Variants in PLD5 observed in about 807,000 individuals in gnomAD.
PLD5 encodes the protein phospholipase D family member 5.
A neutral mutation model predicts 61.1 loss-of-function variants in PLD5; 36 were observed. The observed-to-expected ratio is 0.59, with a 90% CI of 0.45 to 0.78. The LOEUF (loss-of-function observed/expected upper bound fraction) is 0.78, where lower values mean the gene tolerates loss of function less well. PLD5 is among the 30% of genes least tolerant of loss of function. The pLI, the probability that PLD5 is intolerant of heterozygous loss-of-function variation, is 0.00. For missense variants in PLD5, 515 were observed against 644.4 expected, an observed-to-expected ratio of 0.80 and a Z score of 2.17; for synonymous variants, 243 against 242.8, an observed-to-expected ratio of 1.00 and a Z score of -0.01.
intron 3 of PLD5, among the ~76,000 whole-genome samples, chr1:242,277,809 C>T (rs968992856): frequency 6.6e-6 from 1 of 151,860 alleles, no homozygotes; most frequent in Non-Finnish European, 1.5e-5. Context: ...ACGGTGAAAC[C>T]TCATCTCTAC....
At chr1:242,231,578 G>T (rs1203299992) in intron 4 of PLD5, among the ~76,000 whole-genome samples, 1 of 152,202 alleles carries the variant, frequency 6.6e-6, no homozygotes, top group Non-Finnish European at 1.5e-5. Flanking sequence ...CTTAGAGGAG[G>T]CTCACCAACT....
Position 242,524,445 on chromosome 1 carries a change from G to T in PLD5, c.-169C>A. The T allele has an allele frequency of 1.7e-6, 1 of 572,214 alleles. No homozygotes were observed. The highest frequency in any genetic ancestry group is 2.5e-6 in the Non-Finnish European group (1 of 393,748). 35.4% of individuals were successfully genotyped at this position (572,214 alleles called of 1,614,324 possible). A position where few individuals can be genotyped will look rare whatever the true frequency, so the allele number is the denominator to read the frequency against. On this transcript the variant is annotated 5_prime_UTR_variant, in exon 1 of 10. Transcript: ENST00000536534. ...GCGCGGGGAGCGCGGGGTGCTGAGC[G>T]CCAGCTGGGAGCGCGGCCGGGCGGG...
intron 5 of PLD5, among the ~76,000 whole-genome samples, chr1:242,147,059 G>T (rs563571964): frequency 6.6e-6 from 1 of 152,190 alleles, no homozygotes; most frequent in East Asian, 1.9e-4. Context: ...ACCCTTTTAA[G>T]CACACAGTTC....
chr1:242,203,766 CT>C (rs1669141028), intron 5 of PLD5: 1 of 152,252 alleles, frequency 6.6e-6, no homozygotes, highest in Non-Finnish European at 1.5e-5. Flanking sequence ...AACCTCTTTT[CT>C]TTATAAATTA....
At chr1:242,448,982 C>T (rs183729641) in intron 1 of PLD5, among the ~76,000 whole-genome samples, 187 of 152,250 alleles carry the variant, frequency 1.2e-3, no homozygotes, top group African/African-American at 3.8e-3. Context: ...ATCGAGAAAA[C>T]AGACAACTAT....
At chr1:242,463,919 T>C (rs559244074) in intron 1 of PLD5, among the ~76,000 whole-genome samples, 113 of 152,194 alleles carry the variant, frequency 7.4e-4, no homozygotes, top group Admixed American at 1.9e-3. Flanking sequence ...TTTCTTCCCT[T>C]CCCTGTGTGA....
intron 5 of PLD5, among the ~76,000 whole-genome samples, chr1:242,168,164 A>C (rs1382156946): frequency 6.6e-6 from 1 of 152,244 alleles, no homozygotes; most frequent in Non-Finnish European, 1.5e-5. Flanking sequence ...GCCTTTAAAG[A>C]AAGCCTTTAA....
chr1:242,330,355 T>C (rs1443544364), intron 2 of PLD5, among the ~76,000 whole-genome samples: 1 of 152,194 alleles, frequency 6.6e-6, no homozygotes, highest in Non-Finnish European at 1.5e-5. Context: ...CCTTCCATTC[T>C]GTGACAACAT....
intron 1 of PLD5, among the ~76,000 whole-genome samples, chr1:242,382,107 T>G (rs1033472137): frequency 1.4e-5 from 2 of 139,138 alleles, no homozygotes; most frequent in African/African-American, 5.5e-5. Context: ...CTCAGGCAAC[T>G]GATAGCGGAG....
chr1:242,149,949 T>C (rs1664813139), intron 5 of PLD5, among the ~76,000 whole-genome samples: 1 of 151,804 alleles, frequency 6.6e-6, no homozygotes. Context: ...TATTGAGACC[T>C]TCATCCTAAC....
chr1:242,088,504 A>AC lies in PLD5; in HGVS notation c.*1349dup, dbSNP rs1261755885. 6.6e-6 allele frequency: 1 copy of AC among 152,144 alleles called. No individual in the cohort carries two copies. Among genetic ancestry groups the AC allele is most frequent in the Non-Finnish European group, 1.5e-5 (1 of 68,034 alleles). The allele number at this position is 152,144 out of a possible 1,614,324, so 9.4% of individuals were successfully genotyped here. ...CAAGTTATAAATATTTCCTACCGTG[A>AC]CAACATCCTTGCGAGGTAGGTGAGT... On this transcript the variant is annotated 3_prime_UTR_variant, in exon 10 of 10. Coordinates refer to ENST00000536534, the MANE Select transcript of PLD5 (RefSeq NM_001372062.1).
intron 2 of PLD5, among the ~76,000 whole-genome samples, chr1:242,345,342 G>A (rs3905160): frequency 0.95 from 144,670 of 152,288 alleles, 68,980 homozygotes; most frequent in Non-Finnish European, 0.99. Context: ...TTCAAAGTCC[G>A]TGGTTGTTAA....
intron 1 of PLD5, among the ~76,000 whole-genome samples, chr1:242,490,142 C>T (rs1269046477): frequency 6.6e-6 from 1 of 152,206 alleles, no homozygotes; most frequent in Non-Finnish European, 1.5e-5. Flanking sequence ...CAATGCCCAT[C>T]ATCAAAGAAT....
intron 5 of PLD5, among the ~76,000 whole-genome samples, chr1:242,153,831 T>C (rs1319706946): frequency 6.6e-6 from 1 of 152,204 alleles, no homozygotes; most frequent in East Asian, 1.9e-4. Context: ...ATCTTGGCTA[T>C]GTGGGCTCTT....
intron 8 of PLD5, among the ~76,000 whole-genome samples, chr1:242,105,294 G>C (rs1309445238): frequency 4.6e-5 from 7 of 151,824 alleles, no homozygotes; most frequent in Non-Finnish European, 1.0e-4. Flanking sequence ...TGCAATCTCG[G>C]CTCACTGCAA....
At chr1:242,264,953 T>C (rs1202028637) in intron 4 of PLD5, among the ~76,000 whole-genome samples, 1 of 152,160 alleles carries the variant, frequency 6.6e-6, no homozygotes, top group Non-Finnish European at 1.5e-5. Flanking sequence ...ATTTTTTAAA[T>C]ATATAGCGTG....
intron 3 of PLD5, among the ~76,000 whole-genome samples, chr1:242,272,532 T>C (rs1326880506): frequency 6.6e-6 from 1 of 152,224 alleles, no homozygotes; most frequent in African/African-American, 2.4e-5. Context: ...TGAGATATTC[T>C]ATAGGCTTCA....
chr1:242,093,027 A>G (rs1195101905), intron 9 of PLD5, among the ~76,000 whole-genome samples: 1 of 152,132 alleles, frequency 6.6e-6, no homozygotes, highest in Non-Finnish European at 1.5e-5. Context: ...TAAACAGCAC[A>G]ACGGTACTAT....
intron 2 of PLD5, among the ~76,000 whole-genome samples, chr1:242,341,489 G>GA: frequency 6.7e-6 from 1 of 149,672 alleles, no homozygotes; most frequent in East Asian, 2.0e-4. Flanking sequence ...TAAAGTATGT[G>GA]AAAAATATAA....
Sources: allele counts gnomAD v4.1 joint callset (sites outside exome capture counted in the v4.1 genomes callset), GRCh38; gene constraint gnomAD v4.1.1; transcripts MANE v1.5; gene names NCBI Gene and HGNC (gene_info 2026-07-23, HGNC 2026-07-21).